Variants in GPC4 observed in about 807,000 individuals in gnomAD.
The protein encoded by GPC4 is glypican 4.
A neutral mutation model predicts 35.0 loss-of-function variants in GPC4; 10 were observed. That is an observed-to-expected ratio of 0.29 (90% CI 0.18 to 0.48). GPC4 has a LOEUF of 0.48. Ranked by LOEUF, GPC4 falls within the 20% of genes least tolerant of loss-of-function variation. The pLI is 0.99. For synonymous variants in GPC4, 167 were observed against 170.2 expected (o/e 0.98, Z 0.15); for missense variants, 322 against 451.3 (o/e 0.71, Z 2.60).
intron 1 of GPC4, among the ~76,000 whole-genome samples, chrX:133,406,764 A>G (rs1365615930): frequency 6.6e-5 from 7 of 106,172 alleles, no homozygotes; most frequent in Non-Finnish European, 9.7e-5. Flanking sequence ...AAAAAAAAAA[A>G]AAAAAGAAAA....
intron 1 of GPC4, among the ~76,000 whole-genome samples, chrX:133,402,909 GAAAA>G (rs11310772): frequency 3.0e-5 from 2 of 67,107 alleles, no homozygotes; most frequent in Non-Finnish European, 5.9e-5. Context: ...GTCTCAAAAG[GAAAA>G]AAAAAAAAAA....
intron 1 of GPC4, among the ~76,000 whole-genome samples, chrX:133,344,213 T>TTTTTTTTTTTTTTTTG (rs2068481220): frequency 7.5e-5 from 1 of 13,418 alleles, no homozygotes; most frequent in Admixed American, 7.5e-4. Context: ...TTTTTTTTTT[T>TTTTTTTTTTTTTTTTG]TTTTTTTTTT....
intron 3 of GPC4, among the ~76,000 whole-genome samples, chrX:133,321,656 G>A (rs2068365206): frequency 9.0e-6 from 1 of 111,718 alleles, no homozygotes; most frequent in African/African-American, 3.3e-5. Context: ...AAATGTGCTG[G>A]GTGTACCACA....
intron 1 of GPC4, among the ~76,000 whole-genome samples, chrX:133,354,579 T>TTTTC (rs1473848889): frequency 9.3e-6 from 1 of 107,300 alleles, no homozygotes; most frequent in African/African-American, 3.5e-5. Context: ...TTTTTTTTTT[T>TTTTC]GAGACGGAGT....
chrX:133,335,458 T>TACAC, intron 2 of GPC4, among the ~76,000 whole-genome samples: 1 of 109,540 alleles, frequency 9.1e-6, no homozygotes, highest in South Asian at 3.9e-4. Context: ...CACACACACA[T>TACAC]ACACACACAC....
intron 1 of GPC4, among the ~76,000 whole-genome samples, chrX:133,354,769 C>T (rs1270195033): frequency 3.8e-5 from 4 of 106,014 alleles, no homozygotes; most frequent in African/African-American, 1.4e-4. Context: ...GGGGTTTCAC[C>T]TTGTTAGCCA....
At chrX:133,385,100 T>C (rs1483405128) in intron 1 of GPC4, among the ~76,000 whole-genome samples, 1 of 112,432 alleles carries the variant, frequency 8.9e-6, no homozygotes, top group African/African-American at 3.2e-5. Context: ...GTCCTGCACC[T>C]TTCCAGCTGT....
intron 1 of GPC4, among the ~76,000 whole-genome samples, chrX:133,399,312 G>T (rs540813096): frequency 1.8e-5 from 2 of 110,993 alleles, no homozygotes. Flanking sequence ...TGACACAAGC[G>T]TTAACTTTGC....
intron 1 of GPC4, among the ~76,000 whole-genome samples, chrX:133,401,373 C>T (rs911043162): frequency 1.8e-5 from 2 of 111,157 alleles, no homozygotes; most frequent in Non-Finnish European, 1.9e-5. Context: ...CTGATATGGG[C>T]GACTGCAATA....
intron 1 of GPC4, among the ~76,000 whole-genome samples, chrX:133,397,165 C>A (rs2068747023): frequency 8.9e-6 from 1 of 112,381 alleles, no homozygotes; most frequent in Non-Finnish European, 1.9e-5. Flanking sequence ...CAGCTCACAC[C>A]TGTAATCCCA....
chrX:133,373,078 T>C (rs2068620009), intron 1 of GPC4, among the ~76,000 whole-genome samples: 1 of 112,074 alleles, frequency 8.9e-6, no homozygotes, highest in Non-Finnish European at 1.9e-5. Flanking sequence ...CTACCAGATG[T>C]TCATCCTCAG....
chrX:133,304,899 T>C, intron 6 of GPC4, 38 bp from the exon 7 acceptor site: 2 of 1,191,252 alleles, frequency 1.7e-6, no homozygotes, highest in South Asian at 1.8e-5. Context: ...AAGATCATTG[T>C]AAGACAAGAC....
chrX:133,322,096 A>G lies in GPC4; in HGVS notation c.711+2049T>C, dbSNP rs772570496. Among the ~76,000 whole-genome samples the G allele has an allele frequency of 6.3e-5, 7 of 111,605 alleles. No homozygotes were observed. The East Asian group carries it at 2.0e-3, about 32-fold the overall frequency. ...GTGAATATAAGTTTTCTCTCCAACT[A>G]GAGTGACCCGTGTATCCTGGCCAGT... On this transcript the variant is annotated intron_variant, in intron 3 of 8. Transcript: ENST00000370828.
chrX:133,306,037 T>C lies in GPC4; in HGVS notation c.995A>G (p.Gln332Arg), dbSNP rs919581481. Residue 332 changes from glutamine (Q) to arginine (R), a missense_variant, in exon 5 of 9, where the codon CAA becomes CGA. Around this residue, in one of 3 missense-constraint regions of GPC4, gnomAD observed 163 missense variants for 277.2 expected, o/e 0.59. Transcript: ENST00000370828. ...AIMNMQDNSV[Q>R]VSQKVFQGCG... ...TGCCTTCATTACCTTCTGAGACACT[T>C]GAACACTATTATCCTGCATGTTCAT... 6.6e-6 allele frequency: 8 copies of C among 1,211,482 alleles called. No individual in the cohort carries two copies. Among genetic ancestry groups the C allele is most frequent in the Non-Finnish European group, 8.9e-6 (8 of 895,384 alleles).
At chrX:133,321,942 G>A (rs761449655) in intron 3 of GPC4, among the ~76,000 whole-genome samples, 3 of 111,882 alleles carry the variant, frequency 2.7e-5, no homozygotes, top group Non-Finnish European at 5.6e-5. Flanking sequence ...AGATGAGAGA[G>A]AGAACAAACA....
chrX:133,381,128 C>T (rs909347025), intron 1 of GPC4, among the ~76,000 whole-genome samples: 2 of 111,610 alleles, frequency 1.8e-5, no homozygotes, highest in Non-Finnish European at 3.8e-5. Context: ...ATAAAAGAAC[C>T]GGGGTCAGTG....
At chrX:133,308,585 C>T (rs1364848601) in intron 4 of GPC4, among the ~76,000 whole-genome samples, 2 of 111,835 alleles carry the variant, frequency 1.8e-5, no homozygotes, top group Non-Finnish European at 3.8e-5. Flanking sequence ...AAGACTTCAA[C>T]ATTTACTAAA....
chrX:133,383,627 CTT>C lies in GPC4; in HGVS notation c.160+31177_160+31178del, dbSNP rs2068673747. On this transcript the variant is annotated intron_variant, in intron 1 of 8. Coordinates refer to ENST00000370828, the MANE Select transcript of GPC4 (RefSeq NM_001448.3). ...TTGGGAGGTGGAGGCAGGCGGATCT[CTT>C]GAGGCCAGGAGATCGAGACTAGCCT... is the stretch of plus-strand genomic sequence containing the variant. Among the ~76,000 whole-genome samples, 6 of 111,319 alleles carry C rather than the reference CTT, an allele frequency of 5.4e-5. No homozygotes were observed. In the Admixed American group the frequency reaches 5.7e-4, roughly 11 times the overall value.
chrX:133,372,571 A>G (rs954177234), intron 1 of GPC4, among the ~76,000 whole-genome samples: 1 of 111,692 alleles, frequency 9.0e-6, no homozygotes, highest in Non-Finnish European at 1.9e-5. Context: ...AAACTCAACT[A>G]ATACCTCATA....
Sources: allele counts gnomAD v4.1 joint callset (sites outside exome capture counted in the v4.1 genomes callset), GRCh38; gene constraint gnomAD v4.1.1; regional missense constraint gnomAD v4.1.1; transcripts MANE v1.5; gene names NCBI Gene and HGNC (gene_info 2026-07-23, HGNC 2026-07-21).